The following TERT variants were observed in gnomAD, a reference collection of about 807,000 sequenced individuals.
The protein encoded by TERT is telomerase reverse transcriptase, also known as telomerase catalytic subunit.
In TERT, 42 loss-of-function variants were observed where a neutral mutation model predicts 104.0. The ratio of observed to expected loss-of-function variants is 0.40; its 90% CI spans 0.32 to 0.52. TERT has a LOEUF of 0.52. Ranked by LOEUF, TERT falls within the 20% of genes least tolerant of loss-of-function variation. The pLI is 0.43. For synonymous variants in TERT, 781 were observed against 725.6 expected (o/e 1.08, Z -1.23); for missense variants, 1,101 against 1,610.3 (o/e 0.68, Z 5.41).
At chr5:1,259,497 AG>A (rs1411289646) in intron 12 of TERT, among the ~76,000 whole-genome samples, 3 of 93,002 alleles carry the variant, frequency 3.2e-5, no homozygotes, top group African/African-American at 8.6e-5. Context: ...CGCCCACAGG[AG>A]GGGGGAGTGG....
intron 2 of TERT, among the ~76,000 whole-genome samples, chr5:1,289,845 C>T (rs1750764315): frequency 1.1e-5 from 1 of 94,510 alleles, no homozygotes; most frequent in African/African-American, 5.0e-5. Context: ...GGGACAGTGC[C>T]TCACTCACCC....
In TERT at chr5:1,258,000, C is replaced by T. The variant is rs1245177539; in HGVS notation, c.3032+598G>A. On this transcript the variant is annotated intron_variant, in intron 13 of 15. Coordinates refer to ENST00000310581, the MANE Select transcript of TERT (RefSeq NM_198253.3). This position sits in a 1 kb window ranked among gnomAD's most constrained non-coding sequence, Gnocchi z 5.6. Reference sequence around the variant, plus strand: ...CTCCAGGCAGAAGCTGGCCCTGTGGCCTCCACAGATTGGCCCTTCCCTCTG... The same window carrying T: ...CTCCAGGCAGAAGCTGGCCCTGTGGTCTCCACAGATTGGCCCTTCCCTCTG... Among the ~76,000 whole-genome samples, 1 of 152,226 alleles carries T rather than the reference C, an allele frequency of 6.6e-6. No individual in the cohort carries two copies. The highest frequency in any genetic ancestry group is 1.5e-5 in the Non-Finnish European group (1 of 68,036).
At chr5:1,278,508 A>C in intron 6 of TERT, 133 bp downstream of exon 6, 1 of 1,291,604 alleles carries the variant, frequency 7.7e-7, no homozygotes, top group Non-Finnish European at 1.1e-6. Flanking sequence ...CGTGCCACAC[A>C]CGCATATCAC....
rs560140114 is a variant in TERT, at chr5:1,278,437, C to T, written c.2286+204G>A. ...CAGGCACACACACCATGGACACACA[C>T]GTGCCACACACACACACACCACAAA... On this transcript the variant is annotated intron_variant, in intron 6 of 15. Coordinates refer to ENST00000310581, the MANE Select transcript of TERT (RefSeq NM_198253.3). Among the ~76,000 whole-genome samples, 92 of 145,940 alleles carry T rather than the reference C, an allele frequency of 6.3e-4. No individual in the cohort carries two copies. In the South Asian group the frequency reaches 0.019, roughly 31 times the overall value.
chr5:1,281,586 TCA>T (rs1464979828), intron 3 of TERT, among the ~76,000 whole-genome samples: 1 of 152,140 alleles, frequency 6.6e-6, no homozygotes, highest in East Asian at 1.9e-4. Context: ...TGTCACAATC[TCA>T]CACTCTCATC....
intron 2 of TERT, among the ~76,000 whole-genome samples, chr5:1,293,035 G>A (rs1374641690): frequency 6.6e-6 from 1 of 152,224 alleles, no homozygotes; most frequent in Non-Finnish European, 1.5e-5. Context: ...CGGCTCCACT[G>A]CCGCGCCCAG....
chr5:1,293,186 G>T, intron 2 of TERT, 127 bp downstream of exon 2: 1 of 1,171,242 alleles, frequency 8.5e-7, no homozygotes, highest in Non-Finnish European at 1.2e-6. Flanking sequence ...GACGTCCTGA[G>T]CGAAAAGCCA....
At position 1,286,465 on chromosome 5, in the gene TERT, G is replaced by A. The variant is rs1241694683; in HGVS notation, c.1574-3841C>T. On this transcript the variant is annotated intron_variant, in intron 2 of 15. Coordinates refer to ENST00000310581, the MANE Select transcript of TERT (RefSeq NM_198253.3). This position sits in a 1 kb window ranked among gnomAD's most constrained non-coding sequence, Gnocchi z 5.3. ...AGCTTGTGGGGGTGTCAAGATGCCT[G>A]AGATAGAACTAAGTCAGCAGGGAAA... 6.6e-6 allele frequency among the ~76,000 whole-genome samples: 1 copy of A among 152,192 alleles called. No homozygotes were observed. The highest frequency in any genetic ancestry group is 6.5e-5 in the Admixed American group (1 of 15,278).
intron 12 of TERT, 144 bp downstream of exon 12, chr5:1,260,330 G>T: frequency 7.7e-7 from 1 of 1,303,946 alleles, no homozygotes; most frequent in Non-Finnish European, 1.1e-6. Context: ...ACATGTATGT[G>T]CTCACGTGTA....
In TERT at chr5:1,294,998, TG is replaced by T; in HGVS notation, c.-10del. 1 of 1,308,190 alleles carries T rather than the reference TG, an allele frequency of 7.6e-7. No individual in the cohort carries two copies. The highest frequency in any genetic ancestry group is 2.4e-5 in the South Asian group (1 of 42,456). 81.0% of individuals were successfully genotyped at this position (1,308,190 alleles called of 1,614,324 possible). ...CGGGGAGCGCGCGGCATCGCGGGGG[TG>T]GCCGGGGCCAGGGCTTCCCACGTGC... On this transcript the variant is annotated 5_prime_UTR_variant, in exon 1 of 16. Coordinates refer to ENST00000310581, the MANE Select transcript of TERT (RefSeq NM_198253.3).
Position 1,254,330 on chromosome 5 carries a change from G to A in TERT, c.3295+38C>T, listed in dbSNP as rs367572214. 95 of 1,612,504 alleles carry A rather than the reference G, an allele frequency of 5.9e-5. 4 individuals are homozygous for A. Among genetic ancestry groups the A allele is most frequent in the Middle Eastern group, 1.6e-4 (1 of 6,082 alleles). ...ACAGGGCGTTCAAGGATGACCCCTG[G>A]GCAGGTGGGGCCCGCACTGGCCTCC... is the stretch of plus-strand genomic sequence containing the variant. On this transcript the variant is annotated intron_variant, in intron 15 of 15. Coordinates refer to ENST00000310581, the MANE Select transcript of TERT (RefSeq NM_198253.3).
Position 1,270,058 on chromosome 5 carries a change from G to A in TERT, c.2468+1061C>T, listed in dbSNP as rs1748910954. 6.6e-6 allele frequency among the ~76,000 whole-genome samples: 1 copy of A among 152,164 alleles called. No individual in the cohort carries two copies. Among genetic ancestry groups the A allele is most frequent in the Non-Finnish European group, 1.5e-5 (1 of 68,034 alleles). On this transcript the variant is annotated intron_variant, in intron 8 of 15. Transcript: ENST00000310581. This position sits in a 1 kb window ranked among gnomAD's most constrained non-coding sequence, Gnocchi z 8.3. Reference sequence around the variant, plus strand: ...GGCCCGTGGTGGCTTCTCTGGGGAGGTGACTTTGTCAGCGAATTCTGTGGG... The same window carrying A: ...GGCCCGTGGTGGCTTCTCTGGGGAGATGACTTTGTCAGCGAATTCTGTGGG...
At chr5:1,282,002 C>T (rs182666111) in intron 3 of TERT, among the ~76,000 whole-genome samples, 7 of 151,918 alleles carry the variant, frequency 4.6e-5, no homozygotes, top group African/African-American at 9.7e-5. Context: ...GCTGGTGAAT[C>T]GCTTAAACCC....
rs1361388960 is a variant in TERT, at chr5:1,287,336, G to GA, written c.1574-4713dup. ...GCAACACAGCAAGACCCTGTCTCCA[G>GA]AAAAAATTTAAAAATTAGCCAGGTG... On this transcript the variant is annotated intron_variant, in intron 2 of 15. Coordinates refer to ENST00000310581, the MANE Select transcript of TERT (RefSeq NM_198253.3). The surrounding 1 kb of genome is among the most constrained non-coding windows in gnomAD (Gnocchi z 4.3). 1.3e-5 allele frequency among the ~76,000 whole-genome samples: 2 copies of GA among 151,858 alleles called. No individual in the cohort carries two copies. Among genetic ancestry groups the GA allele is most frequent in the African/African-American group, 4.8e-5 (2 of 41,332 alleles).
chr5:1,278,723 G>T lies in TERT; in HGVS notation c.2204C>A (p.Pro735His). 6.2e-7 allele frequency: 1 copy of T among 1,614,204 alleles called. No homozygotes were observed. The highest frequency in any genetic ancestry group is 8.5e-7 in the Non-Finnish European group (1 of 1,180,056). Residue 735 changes from proline (P) to histidine (H), a missense_variant, in exon 6 of 16, where the codon CCC (proline) becomes CAC (histidine). Transcript: ENST00000310581. ...CCGACGCACGCAGTACGTGTTCTGGGGTTTGATGATGCTGGCGATGACCTC... is the reference window on the plus strand; with the variant it reads ...CCGACGCACGCAGTACGTGTTCTGGTGTTTGATGATGCTGGCGATGACCTC... ...LTEVIASIIK[P>H]QNTYCVRRYA... is the part of the protein sequence containing the mutation.
At position 1,262,973 on chromosome 5, in the gene TERT, G is replaced by A. The variant is rs1485119747; in HGVS notation, c.2843+1431C>T. On this transcript the variant is annotated intron_variant, in intron 11 of 15. Transcript: ENST00000310581. The surrounding 1 kb of genome is among the most constrained non-coding windows in gnomAD (Gnocchi z 5.6). ...CCAGTGGAGGCCAGGACCAGGTAAG[G>A]CTGTGAGAGGGAAGCAGGGACTGTG... 2.0e-5 allele frequency among the ~76,000 whole-genome samples: 3 copies of A among 152,228 alleles called. No individual in the cohort carries two copies. Among genetic ancestry groups the A allele is most frequent in the African/African-American group, 4.8e-5 (2 of 41,454 alleles).
chr5:1,263,386 T>A lies in TERT; in HGVS notation c.2843+1018A>T, dbSNP rs1443804003. Among the ~76,000 whole-genome samples, 1 of 151,932 alleles carries A rather than the reference T, an allele frequency of 6.6e-6. No homozygotes were observed. The highest frequency in any genetic ancestry group is 2.4e-5 in the African/African-American group (1 of 41,348). ...AGAATAAAAAAACACCTGTCCACTA[T>A]GGTTTTGGAATGCTGATACTTTTTT... On this transcript the variant is annotated intron_variant, in intron 11 of 15. Transcript: ENST00000310581. The surrounding 1 kb of genome is among the most constrained non-coding windows in gnomAD (Gnocchi z 5.3).
chr5:1,273,570 G>A (rs867903323), intron 6 of TERT, among the ~76,000 whole-genome samples: 4 of 3,290 alleles, frequency 1.2e-3, no homozygotes, highest in Admixed American at 4.5e-3. Context: ...CAGACCCCAC[G>A]ACCGCCATCC....
At position 1,253,187 on chromosome 5, in the gene TERT, C is replaced by G. The variant is rs1747449900; in HGVS notation, c.*541G>C. 7.9e-6 allele frequency: 2 copies of G among 252,030 alleles called. No individual in the cohort carries two copies. Among genetic ancestry groups the G allele is most frequent in the African/African-American group, 4.4e-5 (2 of 45,600 alleles). 15.6% of individuals were successfully genotyped at this position (252,030 alleles called of 1,614,324 possible). ...TGAGATTTTTTTCAAAACTGAAAAA[C>G]TCATATATTCAGTATTTTACTCCCA... is the stretch of plus-strand genomic sequence containing the variant. On this transcript the variant is annotated 3_prime_UTR_variant, in exon 16 of 16. Transcript: ENST00000310581.
Sources: gnomAD v4.1 joint callset for allele counts (sites outside exome capture counted in the v4.1 genomes callset) on GRCh38, gnomAD v4.1.1 for gene constraint, Gnocchi (gnomAD v3.1) non-coding constraint, MANE v1.5 for transcripts, NCBI Gene and HGNC (gene_info 2026-07-23, HGNC 2026-07-21) for gene names.